The following NEBL variants were observed in gnomAD, a reference collection of about 807,000 sequenced individuals.
NEBL encodes the protein nebulette.
In NEBL, 122 loss-of-function variants were observed where a neutral mutation model predicts 140.2. The observed-to-expected ratio is 0.87, with a 90% confidence interval of 0.75 to 1.01. The LOEUF (loss-of-function observed/expected upper bound fraction) is 1.01, where lower values mean the gene tolerates loss of function less well. Among genes scored for constraint, NEBL ranks in the 50% least tolerant of loss-of-function variants. The pLI is 0.00. For missense variants in NEBL, 1,365 were observed against 1,231.3 expected, an observed-to-expected ratio of 1.11 and a Z score of -1.62; for synonymous variants, 436 against 398.9, an observed-to-expected ratio of 1.09 and a Z score of -1.11.
chr10:20,981,551 C>T (rs1832677), intron 3 of NEBL, among the ~76,000 whole-genome samples: 24,867 of 152,128 alleles, frequency 0.16, 3,503 homozygotes, highest in East Asian at 0.39. Flanking sequence ...TGACTTGCTT[C>T]TGAAAACTCA....
intron 1 of NEBL, among the ~76,000 whole-genome samples, chr10:21,263,314 T>A (rs1041538873): frequency 1.3e-5 from 2 of 151,952 alleles, no homozygotes; most frequent in African/African-American, 4.8e-5. Context: ...GCCAGCAAAT[T>A]GAGAAGATGG....
chr10:21,085,178 C>T (rs189644362), intron 2 of NEBL, among the ~76,000 whole-genome samples: 28 of 152,264 alleles, frequency 1.8e-4, no homozygotes, highest in Admixed American at 7.8e-4. Context: ...ATATTTCTCA[C>T]GCTCCATCAC....
At chr10:20,811,470 A>T (rs1465581679) in intron 24 of NEBL, among the ~76,000 whole-genome samples, 1 of 152,234 alleles carries the variant, frequency 6.6e-6, no homozygotes, top group African/African-American at 2.4e-5. Flanking sequence ...TTGGTGTCAC[A>T]TTGAATGAAA....
chr10:21,196,109 T>C (rs1259656835), intron 3 of NEBL, among the ~76,000 whole-genome samples: 1 of 152,112 alleles, frequency 6.6e-6, no homozygotes, highest in African/African-American at 2.4e-5. Context: ...GTTCAAGTGA[T>C]TCTCCTGCCT....
chr10:20,848,092 T>C (rs1275806122), intron 11 of NEBL, among the ~76,000 whole-genome samples: 1 of 152,150 alleles, frequency 6.6e-6, no homozygotes, highest in Non-Finnish European at 1.5e-5. Context: ...CTCTGGGCTG[T>C]GGGTCAGTGA....
At chr10:21,218,657 C>T (rs1165947041) in intron 3 of NEBL, among the ~76,000 whole-genome samples, 1 of 152,004 alleles carries the variant, frequency 6.6e-6, no homozygotes, top group Non-Finnish European at 1.5e-5. Context: ...TGATAAAAGA[C>T]AGATTAAACA....
intron 3 of NEBL, among the ~76,000 whole-genome samples, chr10:21,227,117 T>G (rs1438823165): frequency 6.6e-6 from 1 of 152,070 alleles, no homozygotes; most frequent in Admixed American, 6.6e-5. Flanking sequence ...GATGGCTAGA[T>G]TTAAGCTTTT....
At chr10:20,831,093 G>A (rs1258965609) in intron 16 of NEBL, 103 bp downstream of exon 16, 3 of 867,840 alleles carry the variant, frequency 3.5e-6, no homozygotes, top group Admixed American at 1.8e-5. Flanking sequence ...CACTAGCTCT[G>A]AATGCAATGC....
chr10:20,863,124 G>A (rs754788307), intron 7 of NEBL, among the ~76,000 whole-genome samples: 4 of 151,980 alleles, frequency 2.6e-5, no homozygotes, highest in South Asian at 4.2e-4. Context: ...CTACAGTGAC[G>A]GCATTGTAGC....
At chr10:21,104,866 T>C (rs1837637427) in intron 2 of NEBL, among the ~76,000 whole-genome samples, 2 of 152,196 alleles carry the variant, frequency 1.3e-5, no homozygotes. Flanking sequence ...ACATTTTTTG[T>C]AGATGCCCGA....
At chr10:21,063,801 C>T (rs533259986) in intron 2 of NEBL, among the ~76,000 whole-genome samples, 7 of 152,106 alleles carry the variant, frequency 4.6e-5, no homozygotes, top group African/African-American at 7.2e-5. Context: ...ACCCGGGAGG[C>T]GGAGCTTGTA....
chr10:20,923,589 G>T (rs989426509), intron 4 of NEBL, among the ~76,000 whole-genome samples: 1 of 132,776 alleles, frequency 7.5e-6, no homozygotes, highest in East Asian at 2.5e-4. Flanking sequence ...TGAGTCAGGA[G>T]AATCGCTTGA....
At position 20,925,976 on chromosome 10, in the gene NEBL, G is replaced by A. The variant is rs372255579; in HGVS notation, c.357+35696C>T. The stretch of plus-strand genomic sequence containing the variant: ...ATAGGTGTGGGCCATTCGTAAACAG[G>A]TGTCCATAACATATGGACCCACCAT... On this transcript the variant is annotated intron_variant, in intron 4 of 6. Coordinates refer to the NEBL transcript ENST00000417816. Among the ~76,000 whole-genome samples the A allele has an allele frequency of 5.3e-5, 8 of 152,134 alleles. No individual in the cohort carries two copies. The East Asian group carries it at 1.5e-3, about 29-fold the overall frequency.
At chr10:20,912,732 T>C (rs1206047512) in intron 4 of NEBL, among the ~76,000 whole-genome samples, 1 of 152,150 alleles carries the variant, frequency 6.6e-6, no homozygotes, top group Admixed American at 6.5e-5. Flanking sequence ...TAAAACGTTG[T>C]GACTTGAGAT....
intron 4 of NEBL, among the ~76,000 whole-genome samples, chr10:20,917,909 T>C (rs1250059156): frequency 1.3e-5 from 2 of 152,228 alleles, no homozygotes; most frequent in Admixed American, 1.3e-4. Context: ...AGAAAGATGA[T>C]ATTATAAATA....
Position 20,932,669 on chromosome 10 carries a change from T to A in NEBL, c.357+29003A>T, listed in dbSNP as rs910741819. On this transcript the variant is annotated intron_variant, in intron 4 of 6. Transcript: ENST00000417816. ...ATTCTAAAATAGCATTTTCTAAAAA[T>A]CATATCACTGATTAAAGGAACTTCA... Among the ~76,000 whole-genome samples the A allele has an allele frequency of 7.9e-5, 12 of 152,352 alleles. No homozygotes were observed. In the East Asian group the frequency reaches 2.1e-3, roughly 27 times the overall value.
chr10:20,812,225 T>A (rs565769499), intron 24 of NEBL, among the ~76,000 whole-genome samples: 1 of 152,070 alleles, frequency 6.6e-6, no homozygotes, highest in African/African-American at 2.4e-5. Context: ...AAAACAATTA[T>A]TTTGTTTTTC....
intron 2 of NEBL, among the ~76,000 whole-genome samples, chr10:21,092,210 A>G (rs1178860332): frequency 6.6e-6 from 1 of 152,204 alleles, no homozygotes. Flanking sequence ...ACAAGGATAC[A>G]TGTTCTACGG....
At chr10:21,276,835 G>A (rs1842930285) in intron 1 of NEBL, among the ~76,000 whole-genome samples, 1 of 152,150 alleles carries the variant, frequency 6.6e-6, no homozygotes. Context: ...CAACAGTGAT[G>A]GCAGGCGCTG....
Sources: gnomAD v4.1 joint callset for allele counts (sites outside exome capture counted in the v4.1 genomes callset) on GRCh38, gnomAD v4.1.1 for gene constraint, MANE v1.5 for transcripts, NCBI Gene and HGNC (gene_info 2026-07-23, HGNC 2026-07-21) for gene names.